TBC1D1: variants seen among roughly 807,000 people sequenced by gnomAD.
TBC1D1 encodes the protein TBC1 (tre-2/USP6, BUB2, cdc16) domain family, member 1.
TBC1D1 carries 89 observed loss-of-function variants against 125.6 expected under a neutral mutation model. That is an observed-to-expected ratio of 0.71 (90% confidence interval 0.60 to 0.85). TBC1D1 has a LOEUF of 0.85. Ranked by LOEUF, TBC1D1 falls within the 40% of genes least tolerant of loss-of-function variation. The probability of loss-of-function intolerance (pLI) is 0.00; values close to 1 mark genes in which losing one functional copy is unlikely to be tolerated. For synonymous variants in TBC1D1, 565 were observed against 564.1 expected, an observed-to-expected ratio of 1.00 and a Z score of -0.02; for missense variants, 1,377 against 1,469.2, an observed-to-expected ratio of 0.94 and a Z score of 1.03.
chr4:38,027,677 G>T, intron 6 of TBC1D1, 111 bp from the exon 7 acceptor site: 1 of 557,034 alleles, frequency 1.8e-6, no homozygotes, highest in Non-Finnish European at 3.2e-6. Flanking sequence ...TAAAACCTTG[G>T]AAGTCTGAAG....
chr4:37,992,550 A>G (rs2152389907), intron 2 of TBC1D1, among the ~76,000 whole-genome samples: 1 of 143,824 alleles, frequency 7.0e-6, no homozygotes, highest in South Asian at 2.2e-4. Flanking sequence ...GCTGGAGTGC[A>G]GTGGCGCGAT....
intron 1 of TBC1D1, among the ~76,000 whole-genome samples, chr4:37,895,562 G>A (rs986541589): frequency 2.6e-5 from 4 of 152,072 alleles, no homozygotes; most frequent in Admixed American, 1.3e-4. Context: ...AGATCAGCCG[G>A]GCATGGTAGC....
chr4:38,120,781 G>T (rs1763714387), intron 17 of TBC1D1, among the ~76,000 whole-genome samples: 1 of 152,140 alleles, frequency 6.6e-6, no homozygotes, highest in Non-Finnish European at 1.5e-5. Flanking sequence ...GTACAGCAGG[G>T]CCCTGGGAGA....
chr4:38,039,695 A>T (rs937024597), intron 8 of TBC1D1, among the ~76,000 whole-genome samples: 4 of 152,244 alleles, frequency 2.6e-5, no homozygotes, highest in Admixed American at 6.5e-5. Flanking sequence ...TCAGTATAGC[A>T]TCAGGATTTA....
At chr4:38,059,778 T>C (rs1752429559) in intron 12 of TBC1D1, among the ~76,000 whole-genome samples, 1 of 152,226 alleles carries the variant, frequency 6.6e-6, no homozygotes, top group Non-Finnish European at 1.5e-5. Context: ...GTTTGTTACA[T>C]GGTTAAACGT....
At chr4:37,984,510 TAGTC>T (rs1735022695) in intron 2 of TBC1D1, among the ~76,000 whole-genome samples, 2 of 152,222 alleles carry the variant, frequency 1.3e-5, no homozygotes, top group Non-Finnish European at 2.9e-5. Context: ...ACAGCTGATG[TAGTC>T]CTACTCCCTT....
chr4:37,900,419 T>C (rs1715691975), intron 1 of TBC1D1, among the ~76,000 whole-genome samples: 1 of 145,396 alleles, frequency 6.9e-6, no homozygotes, highest in Non-Finnish European at 1.5e-5. Context: ...TTTTTTTTTT[T>C]TTTCGATTGG....
At chr4:38,051,194 A>G (rs960455658) in intron 11 of TBC1D1, among the ~76,000 whole-genome samples, 3 of 152,142 alleles carry the variant, frequency 2.0e-5, no homozygotes, top group Non-Finnish European at 4.4e-5. Flanking sequence ...TCCTTTCTCC[A>G]TGAAGAATGT....
At position 37,995,885 on chromosome 4, in the gene TBC1D1, T is replaced by A; in HGVS notation, c.418-18624T>A. On this transcript the variant is annotated intron_variant, in intron 2 of 19. Coordinates refer to ENST00000261439, the MANE Select transcript of TBC1D1 (RefSeq NM_015173.4). The surrounding 1 kb of genome is among the most constrained non-coding windows in gnomAD (Gnocchi z 4.3). ...ATTTCTCTTTGAGAATCCAGACTTC[T>A]GGCTTAACCATGGCAAGCAGCGACA... 1.7e-6 allele frequency: 1 copy of A among 580,846 alleles called. No individual in the cohort carries two copies. The allele number at this position is 580,846 out of a possible 1,614,324, so 36.0% of individuals were successfully genotyped here.
At chr4:38,135,952 G>GTA (rs1491309404) in intron 19 of TBC1D1, among the ~76,000 whole-genome samples, 33 of 133,524 alleles carry the variant, frequency 2.5e-4, no homozygotes, top group East Asian at 2.0e-3. Flanking sequence ...GTGTGTGTGT[G>GTA]TATATATGTG....
chr4:38,090,237 C>T, intron 13 of TBC1D1, 120 bp downstream of exon 15: 1 of 879,310 alleles, frequency 1.1e-6, no homozygotes, highest in Non-Finnish European at 1.8e-6. Flanking sequence ...ATGTATACAT[C>T]TATCTATATC....
chr4:38,025,893 T>C (rs1744985031), intron 6 of TBC1D1, among the ~76,000 whole-genome samples: 1 of 152,192 alleles, frequency 6.6e-6, no homozygotes, highest in South Asian at 2.1e-4. Flanking sequence ...CTTCCTGCAC[T>C]TTAACCCACC....
intron 3 of TBC1D1, among the ~76,000 whole-genome samples, chr4:38,016,923 T>C (rs546728236): frequency 5.9e-4 from 90 of 151,516 alleles, no homozygotes; most frequent in African/African-American, 2.2e-3. Context: ...AGGGCAAGAG[T>C]AGGATGGGGA....
intron 2 of TBC1D1, among the ~76,000 whole-genome samples, chr4:38,013,185 A>G (rs1309254459): frequency 6.6e-6 from 1 of 152,216 alleles, no homozygotes; most frequent in Non-Finnish European, 1.5e-5. Flanking sequence ...TCTTTGTGTG[A>G]TAAAATACCT....
At chr4:38,065,254 T>C (rs556535525) in intron 12 of TBC1D1, among the ~76,000 whole-genome samples, 168 of 152,188 alleles carry the variant, frequency 1.1e-3, no homozygotes, top group African/African-American at 3.7e-3. Context: ...ACCCAGCCCG[T>C]AGCTACATTT....
chr4:38,068,105 G>A (rs971046573), intron 12 of TBC1D1, among the ~76,000 whole-genome samples: 83 of 152,102 alleles, frequency 5.5e-4, no homozygotes, highest in Non-Finnish European at 7.2e-4. Context: ...GGATTCCTTC[G>A]CCTTTGGCTT....
intron 2 of TBC1D1, among the ~76,000 whole-genome samples, chr4:37,962,155 G>A (rs1730186321): frequency 6.6e-6 from 1 of 152,182 alleles, no homozygotes; most frequent in Admixed American, 6.5e-5. Context: ...TCTGTGGTGG[G>A]CTGCTCCAAG....
intron 12 of TBC1D1, among the ~76,000 whole-genome samples, chr4:38,074,649 A>C (rs1328931239): frequency 1.3e-5 from 2 of 152,092 alleles, no homozygotes; most frequent in Non-Finnish European, 1.5e-5. Flanking sequence ...CTTGGGGTTG[A>C]ATATTTGGTC....
Position 38,044,453 on chromosome 4 carries a change from G to T in TBC1D1, c.1505G>T (p.Arg502Ile). Residue 502 changes from arginine to isoleucine, a missense_variant, in exon 9 of 20, where the codon AGA becomes ATA. Physicochemically the swap from Arg to Ile is moderately conservative, Grantham distance 97. This residue lies in a region of TBC1D1 where 822 missense variants were observed against 824.6 expected (regional missense o/e 1.00). Transcript: ENST00000261439. ...GATATGCTGAAAAACAAAGCAAAGA[G>T]ATCTTTAACAGAGTCTTTAGAAAGT... is the stretch of plus-strand genomic sequence containing the variant. 7 of 1,613,394 alleles carry T rather than the reference G, an allele frequency of 4.3e-6. No homozygotes were observed. The highest frequency in any genetic ancestry group is 5.9e-6 in the Non-Finnish European group (7 of 1,179,876).
Sources: gnomAD v4.1 joint callset for allele counts (sites outside exome capture counted in the v4.1 genomes callset) on GRCh38, gnomAD v4.1.1 for gene constraint, gnomAD v4.1.1 regional missense constraint, Gnocchi (gnomAD v3.1) non-coding constraint, MANE v1.5 for transcripts, NCBI Gene and HGNC (gene_info 2026-07-23, HGNC 2026-07-21) for gene names.